The following ZC3H12B variants were observed in gnomAD, a reference collection of about 807,000 sequenced individuals.
ZC3H12B encodes zinc finger CCCH-type containing 12B.
ZC3H12B carries 7 observed loss-of-function variants against 43.9 expected under a neutral mutation model. That is an observed-to-expected ratio of 0.16 (90% confidence interval 0.09 to 0.30). The LOEUF (loss-of-function observed/expected upper bound fraction) is 0.30, where lower values mean the gene tolerates loss of function less well. Ranked by LOEUF, ZC3H12B falls within the 10% of genes least tolerant of loss-of-function variation. The pLI is 1.00. For missense variants in ZC3H12B, 475 were observed against 670.2 expected, an observed-to-expected ratio of 0.71 and a Z score of 3.22; for synonymous variants, 222 against 241.7, an observed-to-expected ratio of 0.92 and a Z score of 0.76.
At chrX:65,280,507 C>G in the ZC3H12B span, among the ~76,000 whole-genome samples, 1 of 111,796 alleles carries the variant, frequency 8.9e-6, no homozygotes, top group African/African-American at 3.3e-5. Flanking sequence ...CCCACTCTCA[C>G]CATTTTTATT....
the ZC3H12B span, among the ~76,000 whole-genome samples, chrX:65,170,460 CT>C: frequency 9.0e-6 from 1 of 111,689 alleles, no homozygotes; most frequent in African/African-American, 3.3e-5. Flanking sequence ...TCTGGCTGCC[CT>C]TAACATTTTT....
chrX:65,055,769 G>C, the ZC3H12B span, among the ~76,000 whole-genome samples: 3 of 111,451 alleles, frequency 2.7e-5, no homozygotes, highest in Non-Finnish European at 5.7e-5. Context: ...TTCAGAGCCT[G>C]TTATTGGTCT....
intron 3 of ZC3H12B, among the ~76,000 whole-genome samples, chrX:65,459,660 C>T (rs949803332): frequency 1.8e-5 from 2 of 111,568 alleles, no homozygotes; most frequent in African/African-American, 3.3e-5. Context: ...TTCAACAGTC[C>T]CTCATGCTAA....
intron 2 of ZC3H12B, among the ~76,000 whole-genome samples, chrX:65,394,212 C>T (rs897998463): frequency 1.8e-5 from 2 of 112,042 alleles, no homozygotes; most frequent in African/African-American, 6.5e-5. Context: ...TAATTAGATC[C>T]CATTTGACAA....
intron 3 of ZC3H12B, among the ~76,000 whole-genome samples, chrX:65,461,704 G>T (rs1213994158): frequency 7.2e-5 from 8 of 111,213 alleles, no homozygotes; most frequent in East Asian, 2.8e-4. Context: ...GCCTGTTGTG[G>T]GGTCTAGGTA....
chrX:65,239,709 G>A, the ZC3H12B span, among the ~76,000 whole-genome samples: 1 of 112,237 alleles, frequency 8.9e-6, no homozygotes, highest in Non-Finnish European at 1.9e-5. Flanking sequence ...TGTGGTGGTT[G>A]ATAGCAATTT....
At chrX:65,471,994 G>A (rs2067921707) in intron 3 of ZC3H12B, among the ~76,000 whole-genome samples, 1 of 111,626 alleles carries the variant, frequency 9.0e-6, no homozygotes, top group Non-Finnish European at 1.9e-5. Flanking sequence ...AGCATTTCTT[G>A]TAGGATTGGT....
chrX:65,454,313 G>C (rs948620346), intron 3 of ZC3H12B, among the ~76,000 whole-genome samples: 2 of 112,418 alleles, frequency 1.8e-5, no homozygotes, highest in African/African-American at 6.5e-5. Flanking sequence ...TCTTAGCAAA[G>C]AGCACACCAG....
chrX:65,140,466 A>G, the ZC3H12B span, among the ~76,000 whole-genome samples: 5 of 111,669 alleles, frequency 4.5e-5, no homozygotes, highest in African/African-American at 1.6e-4. Context: ...TGATGAATAA[A>G]CCTTCTAATG....
intron 3 of ZC3H12B, among the ~76,000 whole-genome samples, chrX:65,462,926 C>T (rs2067770468): frequency 8.9e-6 from 1 of 112,318 alleles, no homozygotes; most frequent in Non-Finnish European, 1.9e-5. Context: ...CCATGGAATA[C>T]TACACAGCCG....
the ZC3H12B span, among the ~76,000 whole-genome samples, chrX:65,344,044 G>T: frequency 8.9e-6 from 1 of 111,900 alleles, no homozygotes; most frequent in Admixed American, 9.5e-5. Flanking sequence ...TGACGGTCAA[G>T]CCAAGAGCCA....
At chrX:65,085,684 A>C in the ZC3H12B span, among the ~76,000 whole-genome samples, 251 of 110,073 alleles carry the variant, frequency 2.3e-3, 2 homozygotes, top group African/African-American at 7.7e-3. Flanking sequence ...AGATGGGAGG[A>C]TCTCTAGAGC....
At chrX:65,325,391 T>A in the ZC3H12B span, among the ~76,000 whole-genome samples, 1 of 111,439 alleles carries the variant, frequency 9.0e-6, no homozygotes, top group African/African-American at 3.2e-5. Flanking sequence ...GTAAACAAAT[T>A]TAGTAAAGTT....
intron 3 of ZC3H12B, chrX:65,408,590 G>T (rs758956448): frequency 8.5e-5 from 98 of 1,151,323 alleles, no homozygotes; most frequent in Non-Finnish European, 1.1e-4. Context: ...ACTGTCTAGT[G>T]CTCTGAGTGG....
intron 1 of ZC3H12B, among the ~76,000 whole-genome samples, chrX:65,489,974 G>T (rs1285949603): frequency 9.0e-6 from 1 of 111,231 alleles, no homozygotes; most frequent in Non-Finnish European, 1.9e-5. Flanking sequence ...AATTAGAAGT[G>T]GCCTGCTTTG....
chrX:65,119,735 G>A, the ZC3H12B span, among the ~76,000 whole-genome samples: 1 of 111,705 alleles, frequency 9.0e-6, no homozygotes, highest in Non-Finnish European at 1.9e-5. Flanking sequence ...CCTATGTCCT[G>A]AATGGTATTG....
At chrX:65,266,967 C>T in the ZC3H12B span, among the ~76,000 whole-genome samples, 1 of 110,462 alleles carries the variant, frequency 9.1e-6, no homozygotes, top group South Asian at 3.8e-4. Context: ...GGAATAAGGA[C>T]GTTTTAAAGC....
the ZC3H12B span, among the ~76,000 whole-genome samples, chrX:65,124,258 T>C: frequency 2.7e-5 from 3 of 111,345 alleles, no homozygotes; most frequent in Non-Finnish European, 5.7e-5. Flanking sequence ...ATGTTATTTC[T>C]GTTTTTGATT....
At chrX:65,252,070 G>A in the ZC3H12B span, among the ~76,000 whole-genome samples, 8 of 111,784 alleles carry the variant, frequency 7.2e-5, no homozygotes, top group African/African-American at 2.0e-4. Flanking sequence ...TTGGCTGTGG[G>A]TTTGTCATAA....
Sources: allele counts gnomAD v4.1 joint callset (sites outside exome capture counted in the v4.1 genomes callset), GRCh38; gene constraint gnomAD v4.1.1; transcripts MANE v1.5; gene names NCBI Gene and HGNC (gene_info 2026-07-23, HGNC 2026-07-21).